Variants in CABIN1 observed in about 807,000 individuals in gnomAD.
The protein encoded by CABIN1 is calcineurin binding protein 1.
A neutral mutation model predicts 227.7 loss-of-function variants in CABIN1; 133 were observed. The ratio of observed to expected loss-of-function variants is 0.58; its 90% confidence interval spans 0.51 to 0.67. The LOEUF (loss-of-function observed/expected upper bound fraction) is 0.67, where lower values mean the gene tolerates loss of function less well. CABIN1 is among the 30% of genes least tolerant of loss of function. The pLI is 0.00. For synonymous variants in CABIN1, 1,086 were observed against 1,155.1 expected, an observed-to-expected ratio of 0.94 and a Z score of 1.21; for missense variants, 2,408 against 2,852.5, an observed-to-expected ratio of 0.84 and a Z score of 3.55.
At position 24,173,990 on chromosome 22, in the gene CABIN1, T is replaced by G. The variant is rs564072088; in HGVS notation, c.6040+1995T>G. Among the ~76,000 whole-genome samples the G allele has an allele frequency of 5.3e-5, 7 of 132,388 alleles. No individual in the cohort carries two copies. In the East Asian group the frequency reaches 2.8e-3, roughly 52 times the overall value. The allele number at this position is 132,388 out of a possible 152,430, so 86.9% of individuals were successfully genotyped here. A position where few individuals can be genotyped will look rare whatever the true frequency, so the allele number is the denominator to read the frequency against. On this transcript the variant is annotated intron_variant, in intron 34 of 36. Coordinates refer to ENST00000263119, the MANE Select transcript of CABIN1 (RefSeq NM_012295.4). ...CGTTAAGCAGAGACTTGGTATGGGT[T>G]TTTTTTTTTTTTTTAATTTTTATTT...
chr22:24,133,319 C>T (rs1201629980), intron 28 of CABIN1, among the ~76,000 whole-genome samples: 2 of 152,216 alleles, frequency 1.3e-5, no homozygotes, highest in African/African-American at 4.8e-5. Context: ...TGCACTTTTG[C>T]CTCATGATGA....
chr22:24,176,129 G>C lies in CABIN1; in HGVS notation c.6059G>C (p.Arg2020Thr). The C allele has an allele frequency of 6.2e-7, 1 of 1,611,044 alleles. No homozygotes were observed. Among genetic ancestry groups the C allele is most frequent in the South Asian group, 1.1e-5 (1 of 90,684 alleles). ...CCCACAGAGGGAGAAGAGCTGGCGAGAGTGGCAGAGGGCACCAGCTTCCCG... is the reference window on the plus strand; with the variant it reads ...CCCACAGAGGGAGAAGAGCTGGCGACAGTGGCAGAGGGCACCAGCTTCCCG... The part of the protein sequence containing the change: ...SLGPEGEELA[R>T]VAEGTSFPPQ... Residue 2020 changes from arginine (R) to threonine (T), a missense_variant, in exon 35 of 37, where the codon AGA becomes ACA. Around this residue, in one of 3 missense-constraint regions of CABIN1, gnomAD observed 714 missense variants for 773.8 expected, o/e 0.92. Coordinates refer to ENST00000263119, the MANE Select transcript of CABIN1 (RefSeq NM_012295.4).
In CABIN1 at chr22:24,119,384, T is replaced by C. The variant is rs1179207291; in HGVS notation, c.4318T>C (p.Leu1440=). ...AACTGTAGGAAAAAACGAGGAGTCA[T>C]TGGAGAGTACAGAAGGCTTCCGGGC... ...TEERGKNEES[L]ESTEGFRAAE... is the part of the protein sequence containing the mutation. The change falls in exon 28 of 37, where the codon TTG becomes CTG. Residue 1440 remains leucine (L), a synonymous_variant. Coordinates refer to ENST00000263119, the MANE Select transcript of CABIN1 (RefSeq NM_012295.4). The C allele has an allele frequency of 3.1e-6, 5 of 1,613,434 alleles. No homozygotes were observed. Among genetic ancestry groups the C allele is most frequent in the Non-Finnish European group, 4.2e-6 (5 of 1,180,012 alleles).
chr22:24,092,088 C>T (rs890158729), intron 24 of CABIN1: 7 of 578,406 alleles, frequency 1.2e-5, no homozygotes, highest in African/African-American at 9.3e-5. Flanking sequence ...AATTGTCTTT[C>T]CTCACTAACA....
intron 28 of CABIN1, among the ~76,000 whole-genome samples, chr22:24,120,059 C>A (rs1047453850): frequency 1.3e-5 from 2 of 152,214 alleles, no homozygotes; most frequent in African/African-American, 4.8e-5. Flanking sequence ...TGCCATTCAC[C>A]CATCGTCTCA....
chr22:24,176,134 G>A lies in CABIN1; in HGVS notation c.6064G>A (p.Ala2022Thr), dbSNP rs1271385627. 6.2e-7 allele frequency: 1 copy of A among 1,610,854 alleles called. No individual in the cohort carries two copies. Among genetic ancestry groups the A allele is most frequent in the Non-Finnish European group, 8.5e-7 (1 of 1,179,156 alleles). The change falls in exon 35 of 37, where the codon GCA (alanine) becomes ACA (threonine). Residue 2022 changes from alanine (A) to threonine (T), a missense_variant. Physicochemically the swap from Ala to Thr is moderately conservative, Grantham distance 58 (BLOSUM62 0). This residue lies in a region of CABIN1 where 714 missense variants were observed against 773.8 expected (regional missense o/e 0.92). Coordinates refer to ENST00000263119, the MANE Select transcript of CABIN1 (RefSeq NM_012295.4). ...AGAGGGAGAAGAGCTGGCGAGAGTG[G>A]CAGAGGGCACCAGCTTCCCGCCTCA... ...GPEGEELARV[A>T]EGTSFPPQEP...
chr22:24,017,803 T>C (rs2035415349), intron 1 of CABIN1, among the ~76,000 whole-genome samples: 1 of 152,128 alleles, frequency 6.6e-6, no homozygotes, highest in African/African-American at 2.4e-5. Flanking sequence ...TTTTTTTTTT[T>C]CTTAGCTTCA....
chr22:24,051,853 C>T (rs1322176262), intron 8 of CABIN1, among the ~76,000 whole-genome samples: 1 of 152,096 alleles, frequency 6.6e-6, no homozygotes, highest in African/African-American at 2.4e-5. Flanking sequence ...AGCACCCACT[C>T]AGGAAGGGCT....
intron 10 of CABIN1, among the ~76,000 whole-genome samples, chr22:24,058,890 G>C (rs547430839): frequency 1.3e-4 from 20 of 152,340 alleles, no homozygotes; most frequent in Middle Eastern, 3.4e-3. Context: ...CCTGCTTATT[G>C]GCTGTGTCTC....
intron 34 of CABIN1, among the ~76,000 whole-genome samples, chr22:24,174,474 C>T (rs972960768): frequency 1.3e-5 from 2 of 152,148 alleles, no homozygotes; most frequent in African/African-American, 2.4e-5. Flanking sequence ...AGCCCAGTGC[C>T]GTAATCAGTT....
intron 7 of CABIN1, 52 bp from the exon 8 acceptor site, chr22:24,050,773 C>T: frequency 6.2e-7 from 1 of 1,609,460 alleles, no homozygotes; most frequent in Non-Finnish European, 8.5e-7. Context: ...AAATTTCAGC[C>T]TCAGTTTTAG....
chr22:24,174,814 C>A (rs538641463), intron 34 of CABIN1, among the ~76,000 whole-genome samples: 2 of 149,872 alleles, frequency 1.3e-5, no homozygotes, highest in African/African-American at 4.9e-5. Context: ...GAGCCATTGA[C>A]CCCACCGAGA....
At position 24,054,991 on chromosome 22, in the gene CABIN1, C is replaced by T. The variant is rs151139397; in HGVS notation, c.925C>T (p.Pro309Ser). The T allele has an allele frequency of 2.1e-4, 336 of 1,614,244 alleles. No individual in the cohort carries two copies. The African/African-American group carries it at 4.2e-3, about 20-fold the overall frequency. Residue 309 changes from proline (P) to serine (S), a missense_variant, in exon 9 of 37, where the codon CCT (proline) becomes TCT (serine). By Grantham distance (74) the Pro-to-Ser change is moderately conservative (BLOSUM62 -1). Coordinates refer to ENST00000263119, the MANE Select transcript of CABIN1 (RefSeq NM_012295.4). Reference protein sequence around the residue: ...DLSDYQDPSQPLESSMVVTPV... With the variant: ...DLSDYQDPSQSLESSMVVTPV... ...GTCGGACTACCAGGACCCCAGCCAGCCTCTTGAGTCCTCCATGGTGGTGAC... is the reference window on the plus strand; with the variant it reads ...GTCGGACTACCAGGACCCCAGCCAGTCTCTTGAGTCCTCCATGGTGGTGAC...
intron 28 of CABIN1, among the ~76,000 whole-genome samples, chr22:24,127,634 C>T (rs1438224935): frequency 6.6e-6 from 1 of 152,138 alleles, no homozygotes; most frequent in Non-Finnish European, 1.5e-5. Flanking sequence ...GAGTAGCAGC[C>T]TGGCAGCGCT....
chr22:24,091,867 G>A (rs768323907), intron 24 of CABIN1, 24 bp downstream of exon 24: 13 of 1,610,306 alleles, frequency 8.1e-6, no homozygotes, highest in Middle Eastern at 1.6e-4. Context: ...GGCCCAGGGC[G>A]GGGAAGCAGG....
At chr22:24,170,752 G>GCCCCCCCCCCCCCCCC (rs71320752) in intron 33 of CABIN1, among the ~76,000 whole-genome samples, 1 of 116,574 alleles carries the variant, frequency 8.6e-6, no homozygotes, top group African/African-American at 3.6e-5. Context: ...GTAGCAAACT[G>GCCCCCCCCCCCCCCCC]CCCCCCCCCC....
At position 24,171,771 on chromosome 22, in the gene CABIN1, T is replaced by G. The variant is rs370612295; in HGVS notation, c.5816T>G (p.Phe1939Cys). ...CCCAAAGACAGCCGAGAGAACTTCT[T>G]TCCTGTGACAGTGGTGCCCACAGCC... ...KHPKDSRENF[F>C]PVTVVPTAPD... The change falls in exon 34 of 37, where the codon TTT becomes TGT. Residue 1939 changes from phenylalanine (F) to cysteine (C), a missense_variant. Phe to Cys is a radical substitution (Grantham distance 205). Around this residue, in one of 3 missense-constraint regions of CABIN1, gnomAD observed 714 missense variants for 773.8 expected, o/e 0.92. Transcript: ENST00000263119. 3.1e-6 allele frequency: 5 copies of G among 1,614,042 alleles called. No homozygotes were observed. In the African/African-American group the frequency reaches 6.7e-5, roughly 22 times the overall value.
chr22:24,083,444 T>C (rs751476681), intron 20 of CABIN1, 55 bp downstream of exon 20: 56 of 1,591,848 alleles, frequency 3.5e-5, no homozygotes, highest in Non-Finnish European at 4.6e-5. Context: ...GTAAGCTCTT[T>C]TGAAGGATGT....
chr22:24,119,073 G>C (rs569271472), intron 27 of CABIN1, among the ~76,000 whole-genome samples: 1 of 152,240 alleles, frequency 6.6e-6, no homozygotes, highest in East Asian at 1.9e-4. Flanking sequence ...CTGTGCCACC[G>C]TTCAGAGGGG....
Sources: allele counts gnomAD v4.1 joint callset (sites outside exome capture counted in the v4.1 genomes callset), GRCh38; gene constraint gnomAD v4.1.1; regional missense constraint gnomAD v4.1.1; transcripts MANE v1.5; gene names NCBI Gene and HGNC (gene_info 2026-07-23, HGNC 2026-07-21).